The following TASP1 variants were observed in gnomAD, a reference collection of about 807,000 sequenced individuals.
TASP1 encodes threonine aspartase 1.
Under a neutral mutation model 56.6 loss-of-function variants are expected in TASP1, and 16 were observed. The ratio of observed to expected loss-of-function variants is 0.28; its 90% CI spans 0.19 to 0.43. The LOEUF is 0.43. TASP1 is among the 20% of genes least tolerant of loss of function. The probability of loss-of-function intolerance (pLI) is 1.00; values close to 1 mark genes in which losing one functional copy is unlikely to be tolerated. For missense variants in TASP1, 393 were observed against 511.6 expected, an observed-to-expected ratio of 0.77 and a Z score of 2.24; for synonymous variants, 179 against 184.2, an observed-to-expected ratio of 0.97 and a Z score of 0.23.
intron 9 of TASP1, among the ~76,000 whole-genome samples, chr20:13,529,828 TAGAA>T (rs1329348823): frequency 2.0e-5 from 3 of 152,180 alleles, no homozygotes; most frequent in Non-Finnish European, 4.4e-5. Flanking sequence ...ACAAGGATCT[TAGAA>T]ATCATTCGCT....
At chr20:13,164,873 C>G in the TASP1 span, 2 of 1,610,008 alleles carry the variant, frequency 1.2e-6, no homozygotes, top group Non-Finnish European at 1.7e-6. Flanking sequence ...ATTAAGTTTC[C>G]TGGTCCTGAA....
chr20:13,261,884 TC>T, the TASP1 span, among the ~76,000 whole-genome samples: 1 of 152,194 alleles, frequency 6.6e-6, no homozygotes, highest in Admixed American at 6.5e-5. Context: ...TTCCAGGTTC[TC>T]CCTCTCACCA....
chr20:13,247,518 G>GTGTGTGTGTGTGTC, the TASP1 span, among the ~76,000 whole-genome samples: 51 of 58,016 alleles, frequency 8.8e-4, no homozygotes, highest in East Asian at 2.6e-3. Context: ...AAAGTGAGGG[G>GTGTGTGTGTGTGTC]TGTGTGTGTG....
intron 13 of TASP1, among the ~76,000 whole-genome samples, chr20:13,413,156 C>T (rs1325011155): frequency 6.6e-6 from 1 of 152,060 alleles, no homozygotes; most frequent in Non-Finnish European, 1.5e-5. Flanking sequence ...CCTGGCACGA[C>T]CTCATGAGGT....
chr20:13,279,445 A>T, the TASP1 span, among the ~76,000 whole-genome samples: 197 of 152,264 alleles, frequency 1.3e-3, no homozygotes, highest in African/African-American at 4.5e-3. Flanking sequence ...GCCATGTTCC[A>T]TCTAGCCGTG....
At chr20:13,458,780 T>C (rs746963409) in intron 11 of TASP1, among the ~76,000 whole-genome samples, 1 of 152,136 alleles carries the variant, frequency 6.6e-6, no homozygotes, top group Non-Finnish European at 1.5e-5. Context: ...ACGCCACAGC[T>C]CAGCGAAAAA....
the TASP1 span, among the ~76,000 whole-genome samples, chr20:13,274,560 C>G: frequency 1.3e-5 from 2 of 152,214 alleles, no homozygotes; most frequent in Non-Finnish European, 1.5e-5. Context: ...CCCCTTCAGG[C>G]TCTGGAAGTG....
intron 8 of TASP1, among the ~76,000 whole-genome samples, chr20:13,554,405 CAA>C (rs33913302): frequency 0.32 from 48,742 of 151,778 alleles, 8,376 homozygotes; most frequent in Non-Finnish European, 0.37. Context: ...CTAAAGAAAA[CAA>C]GAGCGCTCTA....
At chr20:13,222,408 A>G in the TASP1 span, among the ~76,000 whole-genome samples, 7 of 152,130 alleles carry the variant, frequency 4.6e-5, no homozygotes, top group South Asian at 1.5e-3. Flanking sequence ...ATAATTTCCC[A>G]AGGAGAATAG....
the TASP1 span, among the ~76,000 whole-genome samples, chr20:13,236,408 G>C: frequency 6.6e-6 from 1 of 152,144 alleles, no homozygotes; most frequent in East Asian, 1.9e-4. Flanking sequence ...CAACACATGG[G>C]AATTCTGGGA....
chr20:13,516,664 T>G (rs1194732082), intron 10 of TASP1, among the ~76,000 whole-genome samples: 7 of 151,168 alleles, frequency 4.6e-5, no homozygotes, highest in East Asian at 2.0e-4. Flanking sequence ...CTTTGTTTTT[T>G]TTTTTTTTTT....
the TASP1 span, among the ~76,000 whole-genome samples, chr20:13,253,712 GC>G: frequency 1.3e-5 from 2 of 151,950 alleles, no homozygotes; most frequent in African/African-American, 2.4e-5. Flanking sequence ...CTGGCCTGGG[GC>G]CCCCATTTTG....
chr20:13,356,490 G>A, the TASP1 span, among the ~76,000 whole-genome samples: 3 of 152,160 alleles, frequency 2.0e-5, no homozygotes, highest in Admixed American at 2.0e-4. Context: ...GTTTATTCCA[G>A]AAAATTCTTG....
chr20:13,158,182 G>C, the TASP1 span, among the ~76,000 whole-genome samples: 1 of 152,182 alleles, frequency 6.6e-6, no homozygotes, highest in Admixed American at 6.5e-5. Flanking sequence ...ACAATGCAAT[G>C]CTAATGTTTA....
rs531831714 is a variant in TASP1 at position 13,393,514 on chromosome 20, T to C, written c.1171-3062A>G. 1.6e-3 allele frequency: 1,300 copies of C among 791,838 alleles called. 23 individuals carry two copies. In the South Asian group the frequency reaches 0.017, roughly 10 times the overall value. 49.1% of individuals were successfully genotyped at this position (791,838 alleles called of 1,614,324 possible). ...ATCCTGGACTACACTGAGCACCAGATTGTCTCCTCCAACAGTGATACCCAC... is the reference window on the plus strand; with the variant it reads ...ATCCTGGACTACACTGAGCACCAGACTGTCTCCTCCAACAGTGATACCCAC... On this transcript the variant is annotated intron_variant, in intron 13 of 13. Transcript: ENST00000337743.
intron 4 of TASP1, among the ~76,000 whole-genome samples, chr20:13,598,637 A>T (rs1327263562): frequency 6.6e-6 from 1 of 152,172 alleles, no homozygotes; most frequent in Admixed American, 6.6e-5. Context: ...AGACTTCATA[A>T]CTAAAACACC....
chr20:13,223,343 TTG>T, the TASP1 span, among the ~76,000 whole-genome samples: 1 of 152,196 alleles, frequency 6.6e-6, no homozygotes, highest in African/African-American at 2.4e-5. Flanking sequence ...AACACTTCCA[TTG>T]TGTTTACTAC....
chr20:13,306,564 CAAAAAAAAAAAA>C, the TASP1 span, among the ~76,000 whole-genome samples: 3 of 63,912 alleles, frequency 4.7e-5, no homozygotes, highest in African/African-American at 2.2e-4. Flanking sequence ...GGAGAAAGGA[CAAAAAAAAAAAA>C]AAAAAAAAAA....
chr20:13,110,286 C>T, the TASP1 span: 25 of 1,285,924 alleles, frequency 1.9e-5, no homozygotes, highest in Non-Finnish European at 2.7e-5. Flanking sequence ...CGGAAAGGCT[C>T]ACCTTTCCTA....
Sources: gnomAD v4.1 joint callset for allele counts (sites outside exome capture counted in the v4.1 genomes callset) on GRCh38, gnomAD v4.1.1 for gene constraint, MANE v1.5 for transcripts, NCBI Gene and HGNC (gene_info 2026-07-23, HGNC 2026-07-21) for gene names.